The following POLE2 variants were observed in gnomAD, a reference collection of about 807,000 sequenced individuals.
The protein encoded by POLE2 is DNA polymerase epsilon 2, accessory subunit.
A neutral mutation model predicts 79.4 loss-of-function variants in POLE2; 56 were observed. That is an observed-to-expected ratio of 0.71 (90% CI 0.57 to 0.88). The LOEUF (loss-of-function observed/expected upper bound fraction) is 0.88, where lower values mean the gene tolerates loss of function less well. POLE2 is among the 40% of genes least tolerant of loss of function. The pLI is 0.00. For missense variants in POLE2, 598 were observed against 638.9 expected (o/e 0.94, Z 0.69); for synonymous variants, 212 against 214.0 (o/e 0.99, Z 0.08).
At chr14:49,659,055 T>C (rs899629282) in intron 10 of POLE2, among the ~76,000 whole-genome samples, 3 of 152,216 alleles carry the variant, frequency 2.0e-5, no homozygotes, top group Admixed American at 6.5e-5. Context: ...CTGATGATTC[T>C]GTGTATAGGC....
intron 6 of POLE2, among the ~76,000 whole-genome samples, chr14:49,666,975 C>T (rs972651239): frequency 2.0e-5 from 3 of 151,860 alleles, no homozygotes; most frequent in African/African-American, 2.4e-5. Flanking sequence ...CCGAGGCAGG[C>T]GGATCACGAG....
intron 6 of POLE2, among the ~76,000 whole-genome samples, chr14:49,669,111 A>G (rs991376417): frequency 5.3e-5 from 8 of 152,316 alleles, no homozygotes; most frequent in African/African-American, 1.9e-4. Flanking sequence ...TTCTAGTTCA[A>G]TAACTGTGTG....
At chr14:49,650,969 A>G (rs914329410) in intron 16 of POLE2, among the ~76,000 whole-genome samples, 1 of 152,208 alleles carries the variant, frequency 6.6e-6, no homozygotes, top group African/African-American at 2.4e-5. Context: ...AGTTTATTAA[A>G]ACAAATATAC....
rs375218344 is a variant in POLE2 at position 49,663,288 on chromosome 14, T to C, written c.755+27A>G. On this transcript the variant is annotated intron_variant, in intron 10 of 18. Coordinates refer to ENST00000216367, the MANE Select transcript of POLE2 (RefSeq NM_002692.4). ...TCCTGCCAGTATTACCAAATTCCCA[T>C]AGAGTATAAACCAAACATTTTAATA... is the stretch of plus-strand genomic sequence containing the variant. 8 of 1,276,792 alleles carry C rather than the reference T, an allele frequency of 6.3e-6. No individual in the cohort carries two copies. In the African/African-American group the frequency reaches 7.4e-5, roughly 12 times the overall value. The allele number at this position is 1,276,792 out of a possible 1,614,324, so 79.1% of individuals were successfully genotyped here.
chr14:49,666,069 G>A (rs1011133528), intron 7 of POLE2, among the ~76,000 whole-genome samples: 5 of 152,076 alleles, frequency 3.3e-5, no homozygotes, highest in Admixed American at 6.6e-5. Flanking sequence ...CAGGTGATCC[G>A]CCCACCTCAG....
intron 1 of POLE2, among the ~76,000 whole-genome samples, chr14:49,687,647 C>G (rs1216595075): frequency 6.6e-6 from 1 of 152,016 alleles, no homozygotes; most frequent in East Asian, 1.9e-4. Flanking sequence ...ACATTAAACT[C>G]CTCGCATGGG....
intron 3 of POLE2, among the ~76,000 whole-genome samples, chr14:49,675,118 C>T (rs531393464): frequency 6.7e-6 from 1 of 149,644 alleles, no homozygotes; most frequent in East Asian, 2.0e-4. Flanking sequence ...GAGTTTCACT[C>T]TTGTTGCCCA....
intron 5 of POLE2, among the ~76,000 whole-genome samples, chr14:49,673,737 T>C (rs1220813714): frequency 6.6e-6 from 1 of 152,218 alleles, no homozygotes; most frequent in Admixed American, 6.6e-5. Context: ...TCTTACTATA[T>C]ACGATCTATG....
In POLE2 at chr14:49,688,126, G is replaced by C; in HGVS notation, c.68+10C>G. On this transcript the variant is annotated intron_variant, in intron 1 of 18. Transcript: ENST00000216367. ...CCCTCTCGCCCTTCAAGCTGCCCGAGCCCACTCACCCACGGAGCAGCAAGC... is the reference window on the plus strand; with the variant it reads ...CCCTCTCGCCCTTCAAGCTGCCCGACCCCACTCACCCACGGAGCAGCAAGC... 1.3e-6 allele frequency: 2 copies of C among 1,550,150 alleles called. No individual in the cohort carries two copies. Among genetic ancestry groups the C allele is most frequent in the Non-Finnish European group, 1.7e-6 (2 of 1,146,838 alleles).
chr14:49,651,918 G>A (rs1269270433), intron 15 of POLE2, among the ~76,000 whole-genome samples: 2 of 152,030 alleles, frequency 1.3e-5, no homozygotes, highest in South Asian at 2.1e-4. Context: ...ACTGGAGCTC[G>A]CCTGGCATCC....
rs1236814816 is a variant in POLE2 at position 49,683,451 on chromosome 14, G to A, written c.169+142C>T. On this transcript the variant is annotated intron_variant, in intron 2 of 18. Transcript: ENST00000216367. ...AATAAACTAAAGGTATTACCCCTTG[G>A]GAAGAAATGCTACCATGCATACATC... is the stretch of plus-strand genomic sequence containing the variant. 3.6e-5 allele frequency: 17 copies of A among 476,086 alleles called. No individual in the cohort carries two copies. In the East Asian group the frequency reaches 3.7e-4, roughly 10 times the overall value. The allele number at this position is 476,086 out of a possible 1,614,324, so 29.5% of individuals were successfully genotyped here.
At chr14:49,645,043 C>CAAA (rs527251561) in intron 18 of POLE2, among the ~76,000 whole-genome samples, 2,429 of 88,282 alleles carry the variant, frequency 0.028, 107 homozygotes, top group African/African-American at 0.078. Flanking sequence ...CTCCGTCTCA[C>CAAA]AAAAAAAAAA....
At chr14:49,674,747 G>C (rs1886140694) in intron 3 of POLE2, among the ~76,000 whole-genome samples, 1 of 151,348 alleles carries the variant, frequency 6.6e-6, no homozygotes, top group Non-Finnish European at 1.5e-5. Context: ...TGTATTTTTA[G>C]TAGAGATGGG....
intron 2 of POLE2, chr14:49,681,473 C>T (rs1393369794): frequency 6.6e-6 from 1 of 152,614 alleles, no homozygotes; most frequent in African/African-American, 2.4e-5. Context: ...CAAAAAAGAA[C>T]ATGAAGAAAG....
intron 15 of POLE2, among the ~76,000 whole-genome samples, chr14:49,653,250 T>C (rs1884408705): frequency 6.6e-6 from 1 of 152,164 alleles, no homozygotes; most frequent in East Asian, 1.9e-4. Flanking sequence ...CAGATGATAC[T>C]TAAAGCCAGA....
At chr14:49,649,364 T>C (rs1258401426) in intron 17 of POLE2, among the ~76,000 whole-genome samples, 2 of 151,076 alleles carry the variant, frequency 1.3e-5, no homozygotes, top group Non-Finnish European at 2.9e-5. Context: ...GCCAGGATGG[T>C]CTCGATCTCC....
In POLE2 at chr14:49,665,821, A is replaced by T. The variant is rs538439020; in HGVS notation, c.576+509T>A. On this transcript the variant is annotated intron_variant, in intron 7 of 18. Transcript: ENST00000216367. ...GTTTCTCTGCTGAACAGCCATTATTATTTTATTTATTTATTTATTTTTGAG... is the reference window on the plus strand; with the variant it reads ...GTTTCTCTGCTGAACAGCCATTATTTTTTTATTTATTTATTTATTTTTGAG... Among the ~76,000 whole-genome samples the T allele has an allele frequency of 4.2e-3, 639 of 151,590 alleles. 4 individuals carry two copies. Among genetic ancestry groups the T allele is most frequent in the African/African-American group, 0.015 (610 of 41,332 alleles).
intron 2 of POLE2, among the ~76,000 whole-genome samples, chr14:49,682,232 G>A (rs577954498): frequency 4.0e-5 from 6 of 151,304 alleles, no homozygotes; most frequent in African/African-American, 1.2e-4. Context: ...TTGAACTCCT[G>A]AACTCAGGCG....
intron 18 of POLE2, 82 bp from the exon 19 acceptor site, chr14:49,643,752 GTATAGT>G: frequency 1.5e-6 from 1 of 670,228 alleles, no homozygotes; most frequent in East Asian, 3.0e-5. Context: ...TTTTAAATAG[GTATAGT>G]TAATTGATTT....
Sources: allele counts gnomAD v4.1 joint callset (sites outside exome capture counted in the v4.1 genomes callset), GRCh38; gene constraint gnomAD v4.1.1; transcripts MANE v1.5; gene names NCBI Gene and HGNC (gene_info 2026-07-23, HGNC 2026-07-21).